The following NCAPG2 variants were observed in gnomAD, a reference collection of about 807,000 sequenced individuals.
The protein encoded by NCAPG2 is non-SMC condensin II complex subunit G2.
NCAPG2 carries 53 observed loss-of-function variants against 141.1 expected under a neutral mutation model. The ratio of observed to expected loss-of-function variants is 0.38; its 90% CI spans 0.30 to 0.47. NCAPG2 has a LOEUF of 0.47. Ranked by LOEUF, NCAPG2 falls within the 20% of genes least tolerant of loss-of-function variation. NCAPG2 has a pLI of 0.99. For synonymous variants in NCAPG2, 499 were observed against 490.7 expected, an observed-to-expected ratio of 1.02 and a Z score of -0.22; for missense variants, 1,087 against 1,389.0, an observed-to-expected ratio of 0.78 and a Z score of 3.46.
At chr7:158,673,132 G>C (rs1012822053) in intron 12 of NCAPG2, among the ~76,000 whole-genome samples, 1 of 152,232 alleles carries the variant, frequency 6.6e-6, no homozygotes, top group Non-Finnish European at 1.5e-5. Context: ...ACACCAGGAA[G>C]GGAAAGACAG....
At chr7:158,661,441 T>C (rs1333829099) in intron 16 of NCAPG2, among the ~76,000 whole-genome samples, 1 of 151,786 alleles carries the variant, frequency 6.6e-6, no homozygotes, top group Non-Finnish European at 1.5e-5. Context: ...CAAATAGAAA[T>C]CACGCACAGA....
intron 13 of NCAPG2, among the ~76,000 whole-genome samples, chr7:158,667,432 C>G (rs1460866886): frequency 1.4e-4 from 17 of 120,518 alleles, no homozygotes; most frequent in East Asian, 1.1e-3. Context: ...GGTCCCTCCG[C>G]CCTCCTTACC....
rs1563549519 is a variant in NCAPG2, at chr7:158,672,314, ATATATATATATATATTTTTTTTTT to A, written c.1327-672_1327-649del. Among the ~76,000 whole-genome samples the A allele has an allele frequency of 1.4e-3, 47 of 34,368 alleles. No individual in the cohort carries two copies. The East Asian group carries it at 0.016, about 12-fold the overall frequency. The allele number at this position is 34,368 out of a possible 152,430, so 22.5% of individuals were successfully genotyped here. On this transcript the variant is annotated intron_variant, in intron 12 of 27. Transcript: ENST00000356309. ...TGTGTATATATATATATATATATATATATATATATATATATTTTTTTTTTTTTTTTTTTTTTTTTTTTTTTTGAG... is the reference window on the plus strand; with the variant it reads ...TGTGTATATATATATATATATATATATTTTTTTTTTTTTTTTTTTTTTGAG...
At chr7:158,652,682 G>A (rs1167301585) in intron 22 of NCAPG2, among the ~76,000 whole-genome samples, 1 of 152,226 alleles carries the variant, frequency 6.6e-6, no homozygotes, top group Non-Finnish European at 1.5e-5. Flanking sequence ...TATGACGTTT[G>A]TCCCATTTAA....
intron 2 of NCAPG2, among the ~76,000 whole-genome samples, chr7:158,695,745 A>C (rs1410322336): frequency 1.3e-5 from 2 of 150,988 alleles, no homozygotes; most frequent in Non-Finnish European, 2.9e-5. Flanking sequence ...CTAGGGCCAT[A>C]GGACACTGGG....
At chr7:158,645,437 G>A (rs1193797096) in intron 26 of NCAPG2, 82 bp downstream of exon 26, 1 of 1,261,700 alleles carries the variant, frequency 7.9e-7, no homozygotes. Flanking sequence ...GCCAAGTGCA[G>A]GGGCTGATCC....
intron 27 of NCAPG2, among the ~76,000 whole-genome samples, chr7:158,636,495 G>A (rs1190790272): frequency 2.0e-5 from 3 of 148,134 alleles, no homozygotes; most frequent in Admixed American, 6.9e-5. Flanking sequence ...TCTGCCTTCC[G>A]GGTTCAAGTG....
chr7:158,673,566 C>T (rs1237573789), intron 12 of NCAPG2, among the ~76,000 whole-genome samples: 1 of 152,236 alleles, frequency 6.6e-6, no homozygotes, highest in Non-Finnish European at 1.5e-5. Context: ...CTTAATGTCC[C>T]TTCCCTTACA....
chr7:158,697,074 AT>A (rs200936480), intron 2 of NCAPG2, among the ~76,000 whole-genome samples: 4,751 of 152,236 alleles, frequency 0.031, 115 homozygotes, highest in Admixed American at 0.069. Context: ...TTCCTTCTAC[AT>A]TTTTTTAAGT....
chr7:158,664,274 A>G lies in NCAPG2; in HGVS notation c.1725T>C (p.Arg575=). Residue 575 remains arginine (R), a synonymous_variant, in exon 15 of 28, where the codon CGT becomes CGC. Coordinates refer to ENST00000356309, the MANE Select transcript of NCAPG2 (RefSeq NM_017760.7). ...TCTGGATACAGGCATTTAAGCAATGACGAATAACGTGAATCAGCTTTGCTG... is the reference window on the plus strand; with the variant it reads ...TCTGGATACAGGCATTTAAGCAATGGCGAATAACGTGAATCAGCTTTGCTG... ...TNIAKLIHVI[R]HCLNACIQRA... 1 of 1,613,588 alleles carries G rather than the reference A, an allele frequency of 6.2e-7. No individual in the cohort carries two copies. The highest frequency in any genetic ancestry group is 8.5e-7 in the Non-Finnish European group (1 of 1,179,494).
rs181219406 is a variant in NCAPG2 at position 158,637,036 on chromosome 7, C to T, written c.3381-5319G>A. On this transcript the variant is annotated intron_variant, in intron 27 of 27. Coordinates refer to ENST00000356309, the MANE Select transcript of NCAPG2 (RefSeq NM_017760.7). ...GATCTTGGCTCACTGCAAGTTCCGC[C>T]TCCCGGGTTCATGCCATTCTCCTGC... is the stretch of plus-strand genomic sequence containing the variant. Among the ~76,000 whole-genome samples, 969 of 151,990 alleles carry T rather than the reference C, an allele frequency of 6.4e-3. 6 individuals are homozygous for T. The highest frequency in any genetic ancestry group is 0.022 in the African/African-American group (908 of 41,402).
intron 13 of NCAPG2, chr7:158,667,212 C>T (rs1462719382): frequency 4.1e-6 from 4 of 985,438 alleles, no homozygotes; most frequent in Middle Eastern, 5.2e-4. Flanking sequence ...AAACGTTCTG[C>T]CTTCTTCCTC....
At chr7:158,664,141 C>A in intron 15 of NCAPG2, 43 bp downstream of exon 15, 2 of 1,431,418 alleles carry the variant, frequency 1.4e-6, no homozygotes, top group Non-Finnish European at 2.0e-6. Flanking sequence ...GGGAGTGATG[C>A]CACTGAGGCA....
intron 2 of NCAPG2, among the ~76,000 whole-genome samples, chr7:158,699,998 T>C (rs747886490): frequency 6.6e-5 from 10 of 152,144 alleles, no homozygotes; most frequent in Non-Finnish European, 8.8e-5. Context: ...GTAATGCATG[T>C]GTGGGATTAC....
chr7:158,643,882 G>A (rs969729649), intron 27 of NCAPG2, among the ~76,000 whole-genome samples: 10 of 152,192 alleles, frequency 6.6e-5, no homozygotes, highest in Non-Finnish European at 1.5e-4. Flanking sequence ...TGTCCAGCAA[G>A]GGGGAAATTA....
Position 158,690,631 on chromosome 7 carries a change from G to A in NCAPG2, c.474C>T (p.Ala158=), listed in dbSNP as rs1456779928. 1.9e-6 allele frequency: 3 copies of A among 1,614,106 alleles called. No individual in the cohort carries two copies. The Admixed American group carries it at 5.0e-5, about 27-fold the overall frequency. The change falls in exon 5 of 28, where the codon GCC becomes GCT. Residue 158 remains alanine, a synonymous_variant. Transcript: ENST00000356309. ...AGGCTGTCTTTCCTGTGTCTTCCTT[G>A]GCAGGCAGGCCTTTCTCCCACCAGG... is the stretch of plus-strand genomic sequence containing the variant. The part of the protein sequence containing the change: ...CVTWWEKGLP[A]KEDTGKTAFV...
At chr7:158,632,188 C>A (rs1004733581) in intron 27 of NCAPG2, among the ~76,000 whole-genome samples, 1 of 152,190 alleles carries the variant, frequency 6.6e-6, no homozygotes, top group Non-Finnish European at 1.5e-5. Context: ...CACTCCCCTG[C>A]CCTACATCCC....
intron 12 of NCAPG2, among the ~76,000 whole-genome samples, chr7:158,673,288 GTCA>G (rs1200964435): frequency 6.6e-6 from 1 of 152,204 alleles, no homozygotes; most frequent in Admixed American, 6.5e-5. Context: ...GGAAAAGATG[GTCA>G]TCAACTCAGC....
chr7:158,644,241 G>A, intron 27 of NCAPG2, 48 bp downstream of exon 27: 2 of 1,463,356 alleles, frequency 1.4e-6, no homozygotes, highest in Non-Finnish European at 1.9e-6. Flanking sequence ...ATCCAAAGAA[G>A]AATGAGCAGT....
Sources: allele counts gnomAD v4.1 joint callset (sites outside exome capture counted in the v4.1 genomes callset), GRCh38; gene constraint gnomAD v4.1.1; transcripts MANE v1.5; gene names NCBI Gene and HGNC (gene_info 2026-07-23, HGNC 2026-07-21).